IQCE: variants seen among roughly 807,000 people sequenced by gnomAD.
The protein encoded by IQCE is IQ motif containing E.
IQCE carries 115 observed loss-of-function variants against 96.0 expected under a neutral mutation model. That is an observed-to-expected ratio of 1.20 (90% CI 1.03 to 1.40). The LOEUF is 1.40. Among genes scored for constraint, IQCE ranks in the 40% most tolerant of loss-of-function variants. The pLI is 0.00. For missense variants in IQCE, 1,041 were observed against 909.1 expected, an observed-to-expected ratio of 1.15 and a Z score of -1.87; for synonymous variants, 412 against 371.2, an observed-to-expected ratio of 1.11 and a Z score of -1.26.
intron 16 of IQCE, among the ~76,000 whole-genome samples, chr7:2,597,526 T>G (rs1455457388): frequency 6.6e-6 from 1 of 152,264 alleles, no homozygotes; most frequent in African/African-American, 2.4e-5. Flanking sequence ...GGAGCAGTCT[T>G]GTGTCTCCCT....
chr7:2,588,346 G>GTT (rs1391193933), intron 13 of IQCE, among the ~76,000 whole-genome samples: 3 of 151,572 alleles, frequency 2.0e-5, no homozygotes, highest in Non-Finnish European at 4.4e-5. Context: ...TTTTGTTTTT[G>GTT]TTTTTGTTTT....
At position 2,611,838 on chromosome 7, in the gene IQCE, A is replaced by C. The variant is rs752516971; in HGVS notation, c.*1676A>C. 1 of 150,776 alleles carries C rather than the reference A, an allele frequency of 6.6e-6. No individual in the cohort carries two copies. Among genetic ancestry groups the C allele is most frequent in the Admixed American group, 6.6e-5 (1 of 15,156 alleles). 9.3% of individuals were successfully genotyped at this position (150,776 alleles called of 1,614,324 possible). On this transcript the variant is annotated 3_prime_UTR_variant, in exon 22 of 22. Coordinates refer to ENST00000402050, the MANE Select transcript of IQCE (RefSeq NM_152558.5). ...ATTTGGTCTGTGGGTTGCCAAGTCC[A>C]TTTTTTTTTCCACTGAACTGGCTGG...
In IQCE at chr7:2,610,603, A is replaced by T; in HGVS notation, c.*441A>T. Reference sequence around the variant, plus strand: ...AGGATTTGCTCGATCTCAGCCCAGCAGGCCAGGCAGACACACCCCGCTGTG... The same window carrying T: ...AGGATTTGCTCGATCTCAGCCCAGCTGGCCAGGCAGACACACCCCGCTGTG... On this transcript the variant is annotated 3_prime_UTR_variant, in exon 22 of 22. Transcript: ENST00000402050. The T allele has an allele frequency of 5.5e-6, 1 of 181,080 alleles. No individual in the cohort carries two copies. The highest frequency in any genetic ancestry group is 1.2e-5 in the Non-Finnish European group (1 of 85,584). 11.2% of individuals were successfully genotyped at this position (181,080 alleles called of 1,614,324 possible).
chr7:2,580,277 G>C, intron 8 of IQCE: 1 of 148,264 alleles, frequency 6.7e-6, no homozygotes, highest in South Asian at 2.1e-4. Flanking sequence ...TACAGTGATA[G>C]ATTTTAGAGC....
chr7:2,567,520 G>T (rs1781468174), intron 2 of IQCE, among the ~76,000 whole-genome samples: 2 of 152,230 alleles, frequency 1.3e-5, no homozygotes, highest in African/African-American at 4.8e-5. Context: ...GGAGAAAGCA[G>T]ACCTGGGCAG....
chr7:2,588,672 T>G (rs1380080018), intron 13 of IQCE, among the ~76,000 whole-genome samples: 51 of 136,958 alleles, frequency 3.7e-4, no homozygotes, highest in Non-Finnish European at 7.4e-4. Context: ...TTTTTTTTTT[T>G]TTTTTTTTTT....
rs1785218560 is a variant in IQCE, at chr7:2,614,431, A to G, written c.*4269A>G. 2 of 152,158 alleles carry G rather than the reference A, an allele frequency of 1.3e-5. No individual in the cohort carries two copies. Among genetic ancestry groups the G allele is most frequent in the Non-Finnish European group, 2.9e-5 (2 of 68,042 alleles). The allele number at this position is 152,158 out of a possible 1,614,324, so 9.4% of individuals were successfully genotyped here. A position where few individuals can be genotyped will look rare whatever the true frequency, so the allele number is the denominator to read the frequency against. ...AAGGCTCCCACCTCGCCAAGCTCCC[A>G]AGGGCCTGCTGGCAGTGCCTACGCT... On this transcript the variant is annotated 3_prime_UTR_variant, in exon 22 of 22. Coordinates refer to ENST00000402050, the MANE Select transcript of IQCE (RefSeq NM_152558.5).
chr7:2,598,820 A>G (rs1046957608), intron 17 of IQCE, 188 bp downstream of exon 17: 3 of 434,210 alleles, frequency 6.9e-6, no homozygotes, highest in East Asian at 3.5e-5. Flanking sequence ...CGTTTTGTGC[A>G]GTAGTGGATA....
chr7:2,566,929 C>T (rs150778258), intron 1 of IQCE, among the ~76,000 whole-genome samples, 187 bp from the exon 2 acceptor site: 1 of 152,212 alleles, frequency 6.6e-6, no homozygotes, highest in African/African-American at 2.4e-5. Flanking sequence ...CCCCACCCAC[C>T]CATTCCTTCT....
intron 6 of IQCE, among the ~76,000 whole-genome samples, chr7:2,576,876 T>C (rs1583420995): frequency 6.6e-6 from 1 of 152,290 alleles, no homozygotes; most frequent in East Asian, 1.9e-4. Context: ...AAAACGGACT[T>C]TCTTGTGTGG....
chr7:2,606,474 A>G (rs1312577323), intron 20 of IQCE, among the ~76,000 whole-genome samples: 1 of 152,144 alleles, frequency 6.6e-6, no homozygotes, highest in Non-Finnish European at 1.5e-5. Flanking sequence ...TGCAGAAATC[A>G]AAACCCCTTG....
chr7:2,602,224 G>A (rs185229761), intron 18 of IQCE, among the ~76,000 whole-genome samples: 3 of 152,228 alleles, frequency 2.0e-5, no homozygotes, highest in Non-Finnish European at 4.4e-5. Context: ...CATCCCAGCA[G>A]AGCCGGTGGG....
chr7:2,601,612 C>T, intron 18 of IQCE, 148 bp downstream of exon 18: 1 of 688,886 alleles, frequency 1.5e-6, no homozygotes, highest in South Asian at 1.5e-5. Context: ...TGCAGTGGTG[C>T]AATCTTGGCT....
intron 19 of IQCE, 75 bp downstream of exon 19, chr7:2,605,066 C>T (rs1377297872): frequency 1.1e-5 from 12 of 1,055,556 alleles, no homozygotes; most frequent in Admixed American, 7.9e-5. Context: ...ATCGAGAAAG[C>T]GTAGGGCACC....
intron 14 of IQCE, among the ~76,000 whole-genome samples, chr7:2,591,827 G>C (rs1352181131): frequency 6.6e-6 from 1 of 152,030 alleles, no homozygotes; most frequent in Non-Finnish European, 1.5e-5. Flanking sequence ...CACCATGTTG[G>C]CCAGGCTGAG....
At chr7:2,578,761 G>A (rs970298080) in intron 8 of IQCE, among the ~76,000 whole-genome samples, 11 of 152,186 alleles carry the variant, frequency 7.2e-5, no homozygotes, top group African/African-American at 1.2e-4. Context: ...CACAACGGGC[G>A]ACTTCCCCCT....
At chr7:2,594,373 T>C (rs933844077) in intron 15 of IQCE, among the ~76,000 whole-genome samples, 2 of 152,216 alleles carry the variant, frequency 1.3e-5, no homozygotes, top group Non-Finnish European at 2.9e-5. Context: ...AATGAATTTT[T>C]TTTTGTTTTG....
At chr7:2,560,450 T>G (rs556790998) in intron 1 of IQCE, among the ~76,000 whole-genome samples, 47 of 152,304 alleles carry the variant, frequency 3.1e-4, no homozygotes, top group African/African-American at 1.1e-3. Context: ...TCAGCACAGC[T>G]GCACCCGCAG....
Position 2,586,399 on chromosome 7 carries a change from G to T in IQCE, c.988+28G>T, listed in dbSNP as rs774924819. The T allele has an allele frequency of 1.1e-5, 16 of 1,516,246 alleles. No homozygotes were observed. The African/African-American group carries it at 3.3e-4, about 32-fold the overall frequency. The allele number at this position is 1,516,246 out of a possible 1,614,324, so 93.9% of individuals were successfully genotyped here. Reference sequence around the variant, plus strand: ...ACCTTCCTGAAAGCCACTCCAGGAGGGAGGCCAGGGAATGGCAGGGAATGG... The same window carrying T: ...ACCTTCCTGAAAGCCACTCCAGGAGTGAGGCCAGGGAATGGCAGGGAATGG... On this transcript the variant is annotated intron_variant, in intron 12 of 21. Coordinates refer to ENST00000402050, the MANE Select transcript of IQCE (RefSeq NM_152558.5).
Sources: allele counts gnomAD v4.1 joint callset (sites outside exome capture counted in the v4.1 genomes callset), GRCh38; gene constraint gnomAD v4.1.1; transcripts MANE v1.5; gene names NCBI Gene and HGNC (gene_info 2026-07-23, HGNC 2026-07-21).